SFMBT2: variants seen among roughly 807,000 people sequenced by gnomAD.
SFMBT2 encodes Scm like with four mbt domains 2.
SFMBT2 carries 38 observed loss-of-function variants against 110.1 expected under a neutral mutation model. That is an observed-to-expected ratio of 0.35 (90% CI 0.27 to 0.45). SFMBT2 has a LOEUF of 0.45. SFMBT2 is among the 20% of genes least tolerant of loss of function. The pLI, the probability that SFMBT2 is intolerant of heterozygous loss-of-function variation, is 1.00. For missense variants in SFMBT2, 1,011 were observed against 1,094.9 expected (o/e 0.92, Z 1.08); for synonymous variants, 425 against 425.4 (o/e 1.00, Z 0.01).
intron 11 of SFMBT2, among the ~76,000 whole-genome samples, chr10:7,212,197 A>G (rs1002439231): frequency 1.3e-5 from 2 of 152,258 alleles, no homozygotes; most frequent in Non-Finnish European, 2.9e-5. Context: ...TCAGTCATAG[A>G]GACAAACCAG....
chr10:7,202,878 A>G, intron 12 of SFMBT2: 3 of 985,438 alleles, frequency 3.0e-6, no homozygotes, highest in Non-Finnish European at 3.6e-6. Flanking sequence ...ATTTTTTTCC[A>G]ATAAAAATTG....
At chr10:7,258,229 G>C (rs1461346228) in intron 7 of SFMBT2, among the ~76,000 whole-genome samples, 2 of 152,176 alleles carry the variant, frequency 1.3e-5, no homozygotes, top group African/African-American at 4.8e-5. Context: ...CACCGTGCCT[G>C]GCTCCAGGAA....
At chr10:7,251,625 A>T (rs1449991085) in intron 7 of SFMBT2, among the ~76,000 whole-genome samples, 1 of 152,214 alleles carries the variant, frequency 6.6e-6, no homozygotes, top group Non-Finnish European at 1.5e-5. Context: ...AGAATTATGA[A>T]ATAATAAAGC....
At position 7,167,592 on chromosome 10, in the gene SFMBT2, GACCTACCGGAGGCCTC is replaced by G. The variant is rs762572224; in HGVS notation, c.2544+3320_2544+3335del. ...TGTAATCTCAGACAATGCCTGCGGT[GACCTACCGGAGGCCTC>G]ACCAACTCAGAGCTGGAGTATTTGG... On this transcript the variant is annotated intron_variant, in intron 20 of 20. Coordinates refer to ENST00000397167, the MANE Select transcript of SFMBT2 (RefSeq NM_001387889.1). Among the ~76,000 whole-genome samples, 7 of 152,246 alleles carry G rather than the reference GACCTACCGGAGGCCTC, an allele frequency of 4.6e-5. No individual in the cohort carries two copies. In the South Asian group the frequency reaches 1.5e-3, roughly 32 times the overall value.
intron 4 of SFMBT2, among the ~76,000 whole-genome samples, chr10:7,295,478 G>A (rs1256602520): frequency 6.6e-6 from 1 of 152,184 alleles, no homozygotes; most frequent in Non-Finnish European, 1.5e-5. Context: ...TTTAGGAATT[G>A]TGTCTGTTTC....
intron 7 of SFMBT2, among the ~76,000 whole-genome samples, chr10:7,273,515 G>A (rs1308077383): frequency 1.3e-5 from 2 of 152,112 alleles, no homozygotes; most frequent in African/African-American, 4.8e-5. Flanking sequence ...GGGTACATGT[G>A]CACAACGTGC....
chr10:7,393,433 C>T (rs1172960785), intron 1 of SFMBT2, among the ~76,000 whole-genome samples: 2 of 152,114 alleles, frequency 1.3e-5, no homozygotes, highest in Non-Finnish European at 2.9e-5. Context: ...TGTTCACATA[C>T]CCCTCTAGTT....
At chr10:7,300,327 AAG>A (rs934264793) in intron 4 of SFMBT2, among the ~76,000 whole-genome samples, 1 of 152,178 alleles carries the variant, frequency 6.6e-6, no homozygotes, top group Non-Finnish European at 1.5e-5. Context: ...TAAAAATTAA[AAG>A]AGACTAAGCA....
At chr10:7,240,045 A>G (rs1374358537) in intron 9 of SFMBT2, among the ~76,000 whole-genome samples, 2 of 152,182 alleles carry the variant, frequency 1.3e-5, no homozygotes, top group African/African-American at 2.4e-5. Context: ...TTTTAATAAT[A>G]TGTGTTACCT....
chr10:7,171,344 A>C lies in SFMBT2; in HGVS notation c.2416-288T>G, dbSNP rs1837866991. The C allele has an allele frequency of 1.0e-6, 1 of 976,406 alleles. No homozygotes were observed. The highest frequency in any genetic ancestry group is 1.2e-6 in the Non-Finnish European group (1 of 821,830). 60.5% of individuals were successfully genotyped at this position (976,406 alleles called of 1,614,324 possible). A position where few individuals can be genotyped will look rare whatever the true frequency, so the allele number is the denominator to read the frequency against. ...GAAACCTTGGGCCTGCTTATGAACGAAGCATCTCTGATTAGAGAAAAGAGG... is the reference window on the plus strand; with the variant it reads ...GAAACCTTGGGCCTGCTTATGAACGCAGCATCTCTGATTAGAGAAAAGAGG... On this transcript the variant is annotated intron_variant, in intron 19 of 20. Transcript: ENST00000397167. This position sits in a 1 kb window ranked among gnomAD's most constrained non-coding sequence, Gnocchi z 4.9.
intron 16 of SFMBT2, among the ~76,000 whole-genome samples, chr10:7,186,738 T>C (rs1283964931): frequency 6.6e-6 from 1 of 152,058 alleles, no homozygotes; most frequent in Non-Finnish European, 1.5e-5. Context: ...CCAAAGAAAA[T>C]AGCAAAGTTG....
chr10:7,173,416 C>T (rs1274026625), intron 17 of SFMBT2, among the ~76,000 whole-genome samples: 1 of 152,124 alleles, frequency 6.6e-6, no homozygotes, highest in African/African-American at 2.4e-5. Flanking sequence ...AGCTCTTGGT[C>T]CGACCAAGAT....
chr10:7,399,831 G>T (rs576011045), intron 1 of SFMBT2, among the ~76,000 whole-genome samples: 1 of 152,288 alleles, frequency 6.6e-6, no homozygotes, highest in East Asian at 1.9e-4. Flanking sequence ...AGCATGTCAG[G>T]GAAGGTAGGT....
Position 7,283,654 on chromosome 10 carries a change from C to T in SFMBT2, c.772+250G>A, listed in dbSNP as rs145036299. ...ATCTACTGTGTCTTTCCTTTCTGAACCAGTGATTCCCAAGGAACTAGATCA... is the reference window on the plus strand; with the variant it reads ...ATCTACTGTGTCTTTCCTTTCTGAATCAGTGATTCCCAAGGAACTAGATCA... On this transcript the variant is annotated intron_variant, in intron 6 of 20. Coordinates refer to ENST00000397167, the MANE Select transcript of SFMBT2 (RefSeq NM_001387889.1). Among the ~76,000 whole-genome samples, 561 of 152,280 alleles carry T rather than the reference C, an allele frequency of 3.7e-3. 5 individuals carry two copies. Among genetic ancestry groups the T allele is most frequent in the African/African-American group, 0.013 (534 of 41,558 alleles).
rs1206831595 is a variant in SFMBT2, at chr10:7,159,765, T to C, written c.*4005A>G. ...AAAGATTTTTAACACTACTGTTTTT[T>C]TTAGTTCTATATACAGAAATAAATA... On this transcript the variant is annotated 3_prime_UTR_variant, in exon 21 of 21. Coordinates refer to ENST00000397167, the MANE Select transcript of SFMBT2 (RefSeq NM_001387889.1). 1 of 152,226 alleles carries C rather than the reference T, an allele frequency of 6.6e-6. No homozygotes were observed. The highest frequency in any genetic ancestry group is 1.5e-5 in the Non-Finnish European group (1 of 68,038). The allele number at this position is 152,226 out of a possible 1,614,324, so 9.4% of individuals were successfully genotyped here.
intron 1 of SFMBT2, among the ~76,000 whole-genome samples, chr10:7,406,672 A>T (rs1846219769): frequency 1.3e-5 from 2 of 152,198 alleles, no homozygotes; most frequent in African/African-American, 2.4e-5. Context: ...AATAGTCTAT[A>T]ATGTCTGCAA....
At chr10:7,238,597 A>G (rs1840335315) in intron 9 of SFMBT2, among the ~76,000 whole-genome samples, 1 of 152,134 alleles carries the variant, frequency 6.6e-6, no homozygotes, top group Non-Finnish European at 1.5e-5. Flanking sequence ...ATTAAAATAC[A>G]CCTTTACTTC....
At chr10:7,362,932 G>C (rs140872034) in intron 4 of SFMBT2, among the ~76,000 whole-genome samples, 15 of 152,254 alleles carry the variant, frequency 9.9e-5, no homozygotes, top group African/African-American at 3.6e-4. Flanking sequence ...TCCATTCCTC[G>C]TGCATTATAT....
chr10:7,292,667 G>A (rs141849229), intron 4 of SFMBT2, among the ~76,000 whole-genome samples: 39 of 152,284 alleles, frequency 2.6e-4, no homozygotes, highest in East Asian at 1.7e-3. Flanking sequence ...GACTCTTTCA[G>A]TTGTAAAAAT....
Sources: allele counts gnomAD v4.1 joint callset (sites outside exome capture counted in the v4.1 genomes callset), GRCh38; gene constraint gnomAD v4.1.1; non-coding constraint Gnocchi (gnomAD v3.1); transcripts MANE v1.5; gene names NCBI Gene and HGNC (gene_info 2026-07-23, HGNC 2026-07-21).